The following EFCAB10 variants were observed in gnomAD, a reference collection of about 807,000 sequenced individuals.
The protein encoded by EFCAB10 is EF-hand calcium-binding domain-containing protein 10.
Under a neutral mutation model 7.7 loss-of-function variants are expected in EFCAB10, and 7 were observed. The ratio of observed to expected loss-of-function variants is 0.91; its 90% CI spans 0.52 to 1.72. The LOEUF is 1.72. EFCAB10 is among the 40% of genes most tolerant of loss of function. EFCAB10 has a pLI of 0.00. For synonymous variants in EFCAB10, 52 were observed against 21.0 expected (o/e 2.47, Z -4.03); for missense variants, 112 against 61.5 (o/e 1.82, Z -2.74).
Position 105,581,377 on chromosome 7 carries a change from G to A in EFCAB10, c.87C>T (p.Ala29=). The change falls in exon 1 of 5, where the codon GCC becomes GCT. Residue 29 remains alanine (A), a synonymous_variant. Coordinates refer to ENST00000480514, the MANE Select transcript of EFCAB10 (RefSeq NM_001355526.2). The part of the protein sequence containing the change: ...IKEVVSYLTS[A]LLFFRPEKPK... ...CCTTACCCGGCCGAAAGAAAAGGAG[G>A]GCGCTGGTGAGGTAGCTAACCACCT... The A allele has an allele frequency of 1.4e-6, 1 of 702,950 alleles. No individual in the cohort carries two copies. Among genetic ancestry groups the A allele is most frequent in the Middle Eastern group, 2.3e-4 (1 of 4,370 alleles). The allele number at this position is 702,950 out of a possible 1,614,324, so 43.5% of individuals were successfully genotyped here.
chr7:105,565,247 A>G lies in EFCAB10; in HGVS notation c.*200T>C, dbSNP rs1320311832. The G allele has an allele frequency of 1.3e-6, 2 of 1,560,328 alleles. No individual in the cohort carries two copies. Among genetic ancestry groups the G allele is most frequent in the African/African-American group, 1.4e-5 (1 of 72,656 alleles). Reference sequence around the variant, plus strand: ...AACTTGAAAAATAGAAACTGATGAAAATTTTTTGGTAAAAATGTGTTTTTT... The same window carrying G: ...AACTTGAAAAATAGAAACTGATGAAGATTTTTTGGTAAAAATGTGTTTTTT... On this transcript the variant is annotated 3_prime_UTR_variant, in exon 5 of 5. Coordinates refer to ENST00000480514, the MANE Select transcript of EFCAB10 (RefSeq NM_001355526.2).
At chr7:105,571,110 C>T (rs1347924052) in intron 1 of EFCAB10, 3 of 152,114 alleles carry the variant, frequency 2.0e-5, no homozygotes, top group Non-Finnish European at 4.4e-5. Context: ...ATGAACCCAT[C>T]GCCAACTTCA....
chr7:105,577,052 T>TAAA, intron 1 of EFCAB10, among the ~76,000 whole-genome samples: 1 of 144,720 alleles, frequency 6.9e-6, no homozygotes, highest in Non-Finnish European at 1.5e-5. Flanking sequence ...AACTCCGTCT[T>TAAA]AAAAAAAAAA....
Position 105,569,372 on chromosome 7 carries a change from A to G in EFCAB10, c.271+35T>C, listed in dbSNP as rs77032897. ...TGCTAGAAAAAACTGTGGAATGACC[A>G]CAAACTATTACCTCAATTTGTAGAA... On this transcript the variant is annotated intron_variant, in intron 2 of 4. Transcript: ENST00000480514. 2.6e-3 allele frequency: 1,832 copies of G among 695,480 alleles called. 26 individuals are homozygous for G. The African/African-American group carries it at 0.029, about 11-fold the overall frequency. The allele number at this position is 695,480 out of a possible 1,614,324, so 43.1% of individuals were successfully genotyped here.
chr7:105,581,200 G>T (rs2115596112), intron 1 of EFCAB10, among the ~76,000 whole-genome samples, 158 bp downstream of exon 1: 1 of 152,324 alleles, frequency 6.6e-6, no homozygotes, highest in South Asian at 2.1e-4. Flanking sequence ...TTGTACTGCA[G>T]CCTGAGGGAC....
intron 1 of EFCAB10, among the ~76,000 whole-genome samples, chr7:105,577,800 A>T (rs999691793): frequency 3.3e-5 from 5 of 151,490 alleles, no homozygotes; most frequent in African/African-American, 1.2e-4. Flanking sequence ...GCTCACTGCA[A>T]CCTCTGCCTC....
In EFCAB10 at chr7:105,580,453, T is replaced by C. The variant is rs1721502; in HGVS notation, c.106+905A>G. On this transcript the variant is annotated intron_variant, in intron 1 of 4. Transcript: ENST00000480514. ...TCCCAAAGTACTGGGATTACAGGCC[T>C]GAGCCACTGCTCCTGGCCTATTTTT... Among the ~76,000 whole-genome samples the C allele has an allele frequency of 5.5e-3, 839 of 152,322 alleles. 8 individuals carry two copies. Among genetic ancestry groups the C allele is most frequent in the African/African-American group, 0.018 (766 of 41,576 alleles).
chr7:105,573,517 G>C (rs1238411823), intron 1 of EFCAB10: 6 of 152,042 alleles, frequency 3.9e-5, no homozygotes, highest in East Asian at 1.9e-4. Flanking sequence ...TACTCTACCT[G>C]CTTTTAAAAA....
chr7:105,565,668 A>G, intron 4 of EFCAB10: 1 of 1,443,350 alleles, frequency 6.9e-7, no homozygotes, highest in African/African-American at 1.4e-5. Flanking sequence ...ACATTTAACA[A>G]TTAATATTAA....
In EFCAB10 at chr7:105,570,251, A is replaced by ATG. The variant is rs1309177566; in HGVS notation, c.107-681_107-680insCA. On this transcript the variant is annotated intron_variant, in intron 1 of 4. Transcript: ENST00000480514. ...AAAAAAAAAAAAAAAATATATATAT[A>ATG]TATATATATATATATATACACACAC... Among the ~76,000 whole-genome samples, 25 of 99,286 alleles carry ATG rather than the reference A, an allele frequency of 2.5e-4. 2 individuals carry two copies. Among genetic ancestry groups the ATG allele is most frequent in the East Asian group, 7.6e-4 (3 of 3,934 alleles). 65.1% of individuals were successfully genotyped at this position (99,286 alleles called of 152,430 possible).
chr7:105,569,184 C>A lies in EFCAB10; in HGVS notation c.359+19G>T. The A allele has an allele frequency of 1.4e-6, 1 of 699,178 alleles. No homozygotes were observed. Among genetic ancestry groups the A allele is most frequent in the South Asian group, 1.5e-5 (1 of 66,630 alleles). 43.3% of individuals were successfully genotyped at this position (699,178 alleles called of 1,614,324 possible). A position where few individuals can be genotyped will look rare whatever the true frequency, so the allele number is the denominator to read the frequency against. On this transcript the variant is annotated intron_variant, in intron 3 of 4. Transcript: ENST00000480514. ...CATGCCACCTTATTAAAATATTTGTCACTTAAAAATAAACTTACACTTCCT... is the reference window on the plus strand; with the variant it reads ...CATGCCACCTTATTAAAATATTTGTAACTTAAAAATAAACTTACACTTCCT...
chr7:105,581,443 C>G lies in EFCAB10; in HGVS notation c.21G>C (p.Glu7Asp), dbSNP rs984980639. 2 of 703,014 alleles carry G rather than the reference C, an allele frequency of 2.8e-6. No homozygotes were observed. The highest frequency in any genetic ancestry group is 1.7e-5 in the African/African-American group (1 of 57,264). The allele number at this position is 703,014 out of a possible 1,614,324, so 43.5% of individuals were successfully genotyped here. Residue 7 changes from glutamate to aspartate, a missense_variant, in exon 1 of 5, where the codon GAG becomes GAC. Physicochemically the swap from Glu to Asp is conservative, Grantham distance 45 (BLOSUM62 2). Coordinates refer to ENST00000480514, the MANE Select transcript of EFCAB10 (RefSeq NM_001355526.2). Reference sequence around the variant, plus strand: ...TTTCCAAATACTCCGCGGCTTGGAGCTCCCTGCTGCTGGTCTCCATCGCTC... The same window carrying G: ...TTTCCAAATACTCCGCGGCTTGGAGGTCCCTGCTGCTGGTCTCCATCGCTC... METSSR[E>D]LQAAEYLEKH...
At chr7:105,569,707 A>G in intron 1 of EFCAB10, 136 bp from the exon 2 acceptor site, 2 of 587,838 alleles carry the variant, frequency 3.4e-6, no homozygotes, top group Non-Finnish European at 6.0e-6. Flanking sequence ...CTTAGTTTTC[A>G]TAAACAGTCC....
chr7:105,579,092 T>G (rs1318068048), intron 1 of EFCAB10, among the ~76,000 whole-genome samples: 3 of 152,192 alleles, frequency 2.0e-5, no homozygotes, highest in African/African-American at 7.2e-5. Context: ...AAGTTTTGAA[T>G]GTAGGAACTC....
At chr7:105,576,680 G>A (rs754826683) in intron 1 of EFCAB10, among the ~76,000 whole-genome samples, 25 of 152,042 alleles carry the variant, frequency 1.6e-4, no homozygotes, top group African/African-American at 5.6e-4. Flanking sequence ...TCCTGACCTC[G>A]TGATCCGCCT....
At chr7:105,574,633 C>T (rs372819413) in intron 1 of EFCAB10, among the ~76,000 whole-genome samples, 4 of 151,906 alleles carry the variant, frequency 2.6e-5, no homozygotes, top group South Asian at 2.1e-4. Context: ...TACAGGCGCC[C>T]GCCACCATGC....
chr7:105,567,013 C>T, intron 4 of EFCAB10: 1 of 567,988 alleles, frequency 1.8e-6, no homozygotes, highest in Non-Finnish European at 2.9e-6. Context: ...TTATAGAGAA[C>T]ATGTGGACCA....
intron 1 of EFCAB10, among the ~76,000 whole-genome samples, chr7:105,569,874 A>G (rs1791891593): frequency 6.6e-6 from 1 of 152,064 alleles, no homozygotes; most frequent in Admixed American, 6.6e-5. Context: ...AACCAAAAAC[A>G]TAGAGGGAAC....
At chr7:105,567,385 A>T (rs1397482803) in intron 4 of EFCAB10, 82 bp downstream of exon 4, 1 of 1,025,152 alleles carries the variant, frequency 9.8e-7, no homozygotes, top group Non-Finnish European at 1.5e-6. Flanking sequence ...AAGTTATATG[A>T]TGAAATTCTG....
Sources: allele counts gnomAD v4.1 joint callset (sites outside exome capture counted in the v4.1 genomes callset), GRCh38; gene constraint gnomAD v4.1.1; transcripts MANE v1.5; gene names NCBI Gene and HGNC (gene_info 2026-07-23, HGNC 2026-07-21).